Variants in KSR2 observed in about 807,000 individuals in gnomAD.
KSR2 encodes the protein kinase suppressor of ras 2.
A neutral mutation model predicts 107.8 loss-of-function variants in KSR2; 25 were observed. The observed-to-expected ratio is 0.23, with a 90% CI of 0.17 to 0.32. The LOEUF (loss-of-function observed/expected upper bound fraction) is 0.32. Ranked by LOEUF, KSR2 falls within the 10% of genes least tolerant of loss-of-function variation. The pLI is 1.00. For missense variants in KSR2, 887 were observed against 1,268.9 expected, an observed-to-expected ratio of 0.70 and a Z score of 4.57; for synonymous variants, 480 against 507.0, an observed-to-expected ratio of 0.95 and a Z score of 0.71.
intron 3 of KSR2, among the ~76,000 whole-genome samples, chr12:117,764,502 T>C (rs1889155054): frequency 6.6e-6 from 1 of 152,170 alleles, no homozygotes; most frequent in Admixed American, 6.5e-5. Context: ...AAGCAGGGCA[T>C]GAGGCTGTCT....
intron 4 of KSR2, among the ~76,000 whole-genome samples, chr12:117,740,542 A>C (rs1181407129): frequency 1.4e-5 from 2 of 138,630 alleles, no homozygotes; most frequent in South Asian, 4.5e-4. Context: ...TATATATGTA[A>C]TATATGCATA....
rs147554122 is a variant in KSR2 at position 117,725,835 on chromosome 12, G to A, written c.986+35176C>T. On this transcript the variant is annotated intron_variant, in intron 4 of 19. Transcript: ENST00000339824. The stretch of plus-strand genomic sequence containing the variant: ...GGTGGTGCACACCTGTAAGCCCCCC[G>A]ACTCAAGAGGGGGAGGCACAAGAAT... Among the ~76,000 whole-genome samples, 1,080 of 151,914 alleles carry A rather than the reference G, an allele frequency of 7.1e-3. 12 individuals carry two copies. The highest frequency in any genetic ancestry group is 0.025 in the African/African-American group (1,018 of 41,420).
chr12:117,534,757 G>C (rs4767556), intron 10 of KSR2, among the ~76,000 whole-genome samples: 93,002 of 151,550 alleles, frequency 0.61, 28,819 homozygotes, highest in Admixed American at 0.71. Flanking sequence ...GATCATCTGG[G>C]TGGGCTCAAT....
At position 117,508,645 on chromosome 12, in the gene KSR2, G is replaced by A. The variant is rs185834771; in HGVS notation, c.2219+16207C>T. 1.1e-4 allele frequency among the ~76,000 whole-genome samples: 16 copies of A among 152,138 alleles called. No homozygotes were observed. In the East Asian group the frequency reaches 1.9e-3, roughly 18 times the overall value. On this transcript the variant is annotated intron_variant, in intron 14 of 19. Coordinates refer to ENST00000339824, the MANE Select transcript of KSR2 (RefSeq NM_173598.6). ...TAGATTAATGGTGGGAAGATGGATGGGTGGGAAGTGGATAGGTGGACTGAC... is the reference window on the plus strand; with the variant it reads ...TAGATTAATGGTGGGAAGATGGATGAGTGGGAAGTGGATAGGTGGACTGAC...
intron 3 of KSR2, among the ~76,000 whole-genome samples, chr12:117,783,588 G>A (rs1035064691): frequency 2.6e-5 from 4 of 152,208 alleles, no homozygotes; most frequent in African/African-American, 9.7e-5. Context: ...AATGGAAAAG[G>A]CAACAACCTG....
intron 3 of KSR2, among the ~76,000 whole-genome samples, chr12:117,777,175 C>CTA (rs56862811): frequency 0.02 from 2,749 of 136,624 alleles, 80 homozygotes; most frequent in African/African-American, 0.056. Context: ...CATATATACA[C>CTA]TATATATATA....
At chr12:117,551,229 G>A (rs750845605) in intron 9 of KSR2, among the ~76,000 whole-genome samples, 13 of 151,776 alleles carry the variant, frequency 8.6e-5, no homozygotes, top group Non-Finnish European at 1.5e-4. Context: ...ACCCCACTCT[G>A]TCTTCCTCTT....
intron 7 of KSR2, among the ~76,000 whole-genome samples, chr12:117,566,567 C>T (rs530597139): frequency 2.7e-4 from 41 of 152,290 alleles, no homozygotes; most frequent in Middle Eastern, 3.4e-3. Context: ...GACATGATCT[C>T]GTTCTTTTGT....
chr12:117,582,919 G>A (rs529320421), intron 5 of KSR2, among the ~76,000 whole-genome samples: 2 of 152,286 alleles, frequency 1.3e-5, no homozygotes, highest in African/African-American at 4.8e-5. Flanking sequence ...CCATGCCTCT[G>A]TACAACTGCC....
At chr12:117,534,953 C>T (rs4767558) in intron 10 of KSR2, among the ~76,000 whole-genome samples, 60,259 of 152,008 alleles carry the variant, frequency 0.4, 12,555 homozygotes, top group African/African-American at 0.53. Flanking sequence ...ATTGACATCT[C>T]GGTTTTTAGC....
At chr12:117,730,161 G>C (rs534998734) in intron 4 of KSR2, among the ~76,000 whole-genome samples, 1 of 152,288 alleles carries the variant, frequency 6.6e-6, no homozygotes, top group South Asian at 2.1e-4. Context: ...TACAAAAACA[G>C]GTGGTGGGCA....
chr12:117,645,872 T>TGC lies in KSR2; in HGVS notation c.1171+21601_1171+21602insGC, dbSNP rs1458851128. Among the ~76,000 whole-genome samples the TGC allele has an allele frequency of 8.5e-4, 7 of 8,240 alleles. No homozygotes were observed. In the East Asian group the frequency reaches 0.013, roughly 16 times the overall value. 5.4% of individuals were successfully genotyped at this position (8,240 alleles called of 152,430 possible). A position where few individuals can be genotyped will look rare whatever the true frequency, so the allele number is the denominator to read the frequency against. On this transcript the variant is annotated intron_variant, in intron 5 of 19. Coordinates refer to ENST00000339824, the MANE Select transcript of KSR2 (RefSeq NM_173598.6). ...TGGAATGTGCATGTGTATGTGCGTG[T>TGC]GTGTGTGTGTGTGTGTGTGTGTGTG...
chr12:117,799,544 T>C (rs1016065167), intron 3 of KSR2, among the ~76,000 whole-genome samples: 3 of 151,886 alleles, frequency 2.0e-5, no homozygotes, highest in African/African-American at 7.3e-5. Context: ...CAATTTTATA[T>C]TGTATCTATT....
At chr12:117,908,758 T>C (rs978849200) in intron 1 of KSR2, among the ~76,000 whole-genome samples, 6 of 152,204 alleles carry the variant, frequency 3.9e-5, no homozygotes, top group African/African-American at 1.4e-4. Context: ...AAAACTGCAA[T>C]TACTTTTGTA....
intron 8 of KSR2, 100 bp from the exon 9 acceptor site, chr12:117,555,393 C>T: frequency 1.6e-6 from 2 of 1,221,104 alleles, no homozygotes; most frequent in South Asian, 2.8e-5. Flanking sequence ...GACCCACCCT[C>T]CAGACTGGAG....
intron 14 of KSR2, among the ~76,000 whole-genome samples, chr12:117,507,751 ATGAG>A (rs1452916659): frequency 6.6e-6 from 1 of 152,204 alleles, no homozygotes; most frequent in Non-Finnish European, 1.5e-5. Flanking sequence ...TCTATAAATA[ATGAG>A]TAAGTAAACT....
chr12:117,804,740 G>C (rs1315327043), intron 3 of KSR2, among the ~76,000 whole-genome samples: 1 of 151,976 alleles, frequency 6.6e-6, no homozygotes, highest in Non-Finnish European at 1.5e-5. Context: ...TAATATCTTA[G>C]GTCTTTCAAT....
intron 14 of KSR2, among the ~76,000 whole-genome samples, chr12:117,501,814 C>T (rs867825150): frequency 2.6e-5 from 4 of 152,230 alleles, no homozygotes; most frequent in Non-Finnish European, 2.9e-5. Flanking sequence ...ATCACTCAAA[C>T]GTGGAAGCAT....
At chr12:117,752,761 T>C (rs764499284) in intron 4 of KSR2, among the ~76,000 whole-genome samples, 3 of 152,250 alleles carry the variant, frequency 2.0e-5, no homozygotes, top group Admixed American at 6.5e-5. Context: ...GAGCTTCTCC[T>C]GCACATTTAA....
Sources: allele counts gnomAD v4.1 joint callset (sites outside exome capture counted in the v4.1 genomes callset), GRCh38; gene constraint gnomAD v4.1.1; transcripts MANE v1.5; gene names NCBI Gene and HGNC (gene_info 2026-07-23, HGNC 2026-07-21).